The following PDE1C variants were observed in gnomAD, a reference collection of about 807,000 sequenced individuals.
The protein encoded by PDE1C is phosphodiesterase 1C, also known as dual specificity calcium/calmodulin-dependent 3',5'-cyclic nucleotide phosphodiesterase 1C.
PDE1C carries 62 observed loss-of-function variants against 93.1 expected under a neutral mutation model. That is an observed-to-expected ratio of 0.67 (90% CI 0.54 to 0.82). PDE1C has a LOEUF of 0.82. Ranked by LOEUF, PDE1C falls within the 40% of genes least tolerant of loss-of-function variation. PDE1C has a pLI of 0.00. For missense variants in PDE1C, 742 were observed against 884.6 expected, an observed-to-expected ratio of 0.84 and a Z score of 2.04; for synonymous variants, 325 against 310.1, an observed-to-expected ratio of 1.05 and a Z score of -0.50.
chr7:31,707,134 G>C, the PDE1C span: 2 of 1,424,402 alleles, frequency 1.4e-6, no homozygotes, highest in East Asian at 4.6e-5. Flanking sequence ...TTTGTACTGT[G>C]TCTGTCTGCA....
At chr7:32,342,363 C>A (rs1364013209) in intron 1 of PDE1C, among the ~76,000 whole-genome samples, 11 of 151,878 alleles carry the variant, frequency 7.2e-5, no homozygotes, top group Non-Finnish European at 8.8e-5. Flanking sequence ...GAAATATATA[C>A]ATCACCACAA....
In PDE1C at chr7:32,048,137, A is replaced by G. The variant is rs116257232; in HGVS notation, c.128+3417T>C. The stretch of plus-strand genomic sequence containing the variant: ...TCAAATGAGGAATCCACCTACTCCA[A>G]ATCTACAGATCCCCAGAGAAGGTCT... On this transcript the variant is annotated intron_variant, in intron 2 of 17. Transcript: ENST00000396191. Among the ~76,000 whole-genome samples, 988 of 152,308 alleles carry G rather than the reference A, an allele frequency of 6.5e-3. 7 individuals carry two copies. The highest frequency in any genetic ancestry group is 0.022 in the African/African-American group (921 of 41,584).
intron 3 of PDE1C, chr7:32,078,026 C>T: frequency 1.0e-6 from 1 of 985,274 alleles, no homozygotes; most frequent in Non-Finnish European, 1.2e-6. Flanking sequence ...ACACTGCCAA[C>T]CCAGTATAAT....
chr7:32,276,464 C>G (rs887325247), intron 1 of PDE1C, among the ~76,000 whole-genome samples: 2 of 152,120 alleles, frequency 1.3e-5, no homozygotes, highest in African/African-American at 4.8e-5. Flanking sequence ...AACCCAAGAT[C>G]AAACAGTTTG....
chr7:32,279,129 C>A (rs1005821966), intron 1 of PDE1C, among the ~76,000 whole-genome samples: 1 of 152,172 alleles, frequency 6.6e-6, no homozygotes, highest in African/African-American at 2.4e-5. Context: ...AATACACTAA[C>A]ATAGCGTAGC....
intron 1 of PDE1C, among the ~76,000 whole-genome samples, chr7:32,334,969 A>G (rs1003423599): frequency 5.9e-5 from 9 of 152,162 alleles, no homozygotes; most frequent in African/African-American, 2.2e-4. Flanking sequence ...TATTCTGTAG[A>G]TCTTGGCAGA....
downstream of PDE1C, among the ~76,000 whole-genome samples, chr7:31,749,503 T>C (rs1794075697): frequency 6.6e-6 from 1 of 151,990 alleles, no homozygotes; most frequent in Non-Finnish European, 1.5e-5. Context: ...GTCTTGAAAA[T>C]ATGTGGTGCT....
intron 1 of PDE1C, among the ~76,000 whole-genome samples, chr7:32,324,596 A>G (rs1783367486): frequency 6.6e-6 from 1 of 152,236 alleles, no homozygotes; most frequent in Non-Finnish European, 1.5e-5. Context: ...AAGCTTAATC[A>G]ATGCTGAGCT....
At chr7:32,200,659 T>C (rs2128829566) in intron 2 of PDE1C, among the ~76,000 whole-genome samples, 1 of 152,318 alleles carries the variant, frequency 6.6e-6, no homozygotes, top group South Asian at 2.1e-4. Context: ...CTCTGTTTCC[T>C]CACAGTATTA....
chr7:32,320,889 G>A (rs567001652), intron 1 of PDE1C, among the ~76,000 whole-genome samples: 11 of 152,282 alleles, frequency 7.2e-5, no homozygotes, highest in African/African-American at 2.6e-4. Flanking sequence ...CACTTGACAG[G>A]GAGGTATGTG....
chr7:32,089,345 C>T (rs12538447), intron 3 of PDE1C, among the ~76,000 whole-genome samples: 2,955 of 152,208 alleles, frequency 0.019, 163 homozygotes, highest in Admixed American at 0.13. Flanking sequence ...TGTCATTGAC[C>T]TACAGAACCC....
chr7:31,740,405 A>G, the PDE1C span, among the ~76,000 whole-genome samples: 4 of 152,222 alleles, frequency 2.6e-5, no homozygotes, highest in Non-Finnish European at 4.4e-5. Context: ...TCATTTGATG[A>G]GTCTAAGTAA....
chr7:32,030,818 T>C (rs971576404), intron 2 of PDE1C, among the ~76,000 whole-genome samples: 7 of 152,268 alleles, frequency 4.6e-5, no homozygotes, highest in Non-Finnish European at 1.0e-4. Context: ...AAGGAAGGAC[T>C]ATGCTCCTCC....
intron 1 of PDE1C, among the ~76,000 whole-genome samples, chr7:32,224,322 G>A (rs1807093813): frequency 1.3e-5 from 2 of 152,018 alleles, no homozygotes; most frequent in South Asian, 4.1e-4. Context: ...ACAGTGAGCT[G>A]AGATCGCACC....
intron 2 of PDE1C, among the ~76,000 whole-genome samples, chr7:31,937,222 G>T (rs1805206740): frequency 6.6e-6 from 1 of 152,118 alleles, no homozygotes; most frequent in Non-Finnish European, 1.5e-5. Flanking sequence ...ACTAGTAATG[G>T]AAGGAGAGTC....
chr7:31,817,990 C>T (rs1447685008), intron 14 of PDE1C, among the ~76,000 whole-genome samples: 1 of 152,076 alleles, frequency 6.6e-6, no homozygotes, highest in East Asian at 1.9e-4. Flanking sequence ...CAAACCAATG[C>T]CCTAGCCTCA....
At chr7:31,874,221 T>G (rs1295795564) in intron 5 of PDE1C, among the ~76,000 whole-genome samples, 1 of 152,232 alleles carries the variant, frequency 6.6e-6, no homozygotes, top group Non-Finnish European at 1.5e-5. Flanking sequence ...TCAAAGTCTT[T>G]GCCTGTAAAT....
At chr7:31,932,094 A>C (rs1434855135) in intron 2 of PDE1C, among the ~76,000 whole-genome samples, 1 of 152,146 alleles carries the variant, frequency 6.6e-6, no homozygotes, top group South Asian at 2.1e-4. Flanking sequence ...TAAAATGTAA[A>C]ACCTAAAACA....
At chr7:31,702,366 A>G in the PDE1C span, among the ~76,000 whole-genome samples, 54 of 152,242 alleles carry the variant, frequency 3.5e-4, no homozygotes, top group Non-Finnish European at 6.9e-4. Context: ...TGGTCCAAGG[A>G]CCGGGGGAGG....
Sources: gnomAD v4.1 joint callset for allele counts (sites outside exome capture counted in the v4.1 genomes callset) on GRCh38, gnomAD v4.1.1 for gene constraint, MANE v1.5 for transcripts, NCBI Gene and HGNC (gene_info 2026-07-23, HGNC 2026-07-21) for gene names.